Variants in MYO18A observed in about 807,000 individuals in gnomAD.
The protein encoded by MYO18A is myosin XVIIIA.
A neutral mutation model predicts 235.8 loss-of-function variants in MYO18A; 78 were observed. That is an observed-to-expected ratio of 0.33 (90% confidence interval 0.28 to 0.40). The LOEUF (loss-of-function observed/expected upper bound fraction) is 0.40, where lower values mean the gene tolerates loss of function less well. MYO18A is among the 10% of genes least tolerant of loss of function. The pLI, the probability that MYO18A is intolerant of heterozygous loss-of-function variation, is 1.00. For missense variants in MYO18A, 2,215 were observed against 2,699.3 expected, an observed-to-expected ratio of 0.82 and a Z score of 3.98; for synonymous variants, 977 against 1,077.8, an observed-to-expected ratio of 0.91 and a Z score of 1.83.
intron 32 of MYO18A, 87 bp from the exon 33 acceptor site, chr17:29,093,088 T>A: frequency 6.7e-7 from 1 of 1,491,078 alleles, no homozygotes; most frequent in Admixed American, 2.1e-5. Context: ...CACGTCCTCA[T>A]TATCAGTGTC....
chr17:29,165,803 TCAGAGAGCAG>T (rs2068268209), intron 2 of MYO18A, 129 bp downstream of exon 2: 1 of 848,392 alleles, frequency 1.2e-6, no homozygotes, highest in Non-Finnish European at 1.8e-6. Context: ...CCCCACAGGC[TCAGAGAGCAG>T]CAGGGCTTCC....
intron 17 of MYO18A, among the ~76,000 whole-genome samples, chr17:29,110,864 G>A (rs763080370): frequency 2.0e-5 from 3 of 152,196 alleles, no homozygotes; most frequent in Non-Finnish European, 4.4e-5. Context: ...TCGGACAGAG[G>A]GGATCAATCT....
chr17:29,077,603 CTGGCTTGA>C (rs1420737111), intron 41 of MYO18A: 1 of 152,422 alleles, frequency 6.6e-6, no homozygotes, highest in Non-Finnish European at 1.5e-5. Flanking sequence ...TGGCTAGGTT[CTGGCTTGA>C]TGGCCACTCT....
intron 15 of MYO18A, among the ~76,000 whole-genome samples, chr17:29,113,593 T>C (rs867628704): frequency 7.2e-5 from 11 of 152,294 alleles, no homozygotes; most frequent in Middle Eastern, 3.4e-3. Flanking sequence ...AGTCCTCTAC[T>C]TGGGGACAAT....
Position 29,106,480 on chromosome 17 carries a change from G to T in MYO18A, c.3441+600C>A, listed in dbSNP as rs557125021. Among the ~76,000 whole-genome samples, 226 of 152,314 alleles carry T rather than the reference G, an allele frequency of 1.5e-3. No individual in the cohort carries two copies. The highest frequency in any genetic ancestry group is 5.3e-3 in the African/African-American group (220 of 41,562). The stretch of plus-strand genomic sequence containing the variant: ...AGGTCTGAGGTGCTTTCAGAATCAG[G>T]CTGGATGCCTGAGGCCCGAGCACAG... On this transcript the variant is annotated intron_variant, in intron 20 of 41. Transcript: ENST00000527372. This position sits in a 1 kb window ranked among gnomAD's most constrained non-coding sequence, Gnocchi z 4.6.
intron 14 of MYO18A, 54 bp downstream of exon 14, chr17:29,114,853 G>T: frequency 1.3e-6 from 2 of 1,558,564 alleles, no homozygotes; most frequent in Admixed American, 1.8e-5. Context: ...TGCCCTCGCT[G>T]TGGGTGCCAA....
rs1447106877 is a variant in MYO18A, at chr17:29,074,842, G to A, written c.6093C>T (p.Ser2031=). 1 of 1,614,020 alleles carries A rather than the reference G, an allele frequency of 6.2e-7. No homozygotes were observed. The highest frequency in any genetic ancestry group is 1.1e-5 in the South Asian group (1 of 91,084). The change falls in exon 42 of 42, where the codon TCC becomes TCT. Residue 2031 remains serine, a synonymous_variant. Transcript: ENST00000527372. The surrounding 1 kb of genome is among the most constrained non-coding windows in gnomAD (Gnocchi z 4.4). The part of the protein sequence containing the change: ...DDEHDPLDNT[S]RPRYSHSYLS... The stretch of plus-strand genomic sequence containing the variant: ...GATAACTGTGGGAGTATCGCGGTCT[G>A]GAGGTGTTGTCGAGAGGGTCGTGCT...
rs1483776125 is a variant in MYO18A at position 29,115,420 on chromosome 17, T to G, written c.2249A>C (p.Glu750Ala). 2 of 1,613,738 alleles carry G rather than the reference T, an allele frequency of 1.2e-6. No homozygotes were observed. Among genetic ancestry groups the G allele is most frequent in the African/African-American group, 2.7e-5 (2 of 74,920 alleles). Residue 750 changes from glutamate to alanine, a missense_variant, in exon 13 of 42, where the codon GAG becomes GCG. By Grantham distance (107) the Glu-to-Ala change is moderately radical. Coordinates refer to ENST00000527372, the MANE Select transcript of MYO18A (RefSeq NM_078471.4). ...GCCGGCCGCCATGCCCTCAAGGCAC[T>G]CCAGTGCACTCAGTTTCGGGCCTGT... ...DGTGPKLSAL[E>A]CLEGMAAGLY...
In MYO18A at chr17:29,121,016, C is replaced by T. The variant is rs375089649; in HGVS notation, c.1567G>A (p.Gly523Arg). 94 of 1,611,458 alleles carry T rather than the reference C, an allele frequency of 5.8e-5. No individual in the cohort carries two copies. Among genetic ancestry groups the T allele is most frequent in the Non-Finnish European group, 7.4e-5 (87 of 1,179,086 alleles). The stretch of plus-strand genomic sequence containing the variant: ...GCCTCACCAGAAAACACCTTGTTCC[C>T]GCTGATGCCCGCGATGGTGGCCAGG... ...QYLATIAGISGNKVFSVEKWQ... is the reference protein window; with the variant it reads ...QYLATIAGISRNKVFSVEKWQ... Residue 523 changes from glycine to arginine, a missense_variant, in exon 6 of 42, where the codon GGG (glycine) becomes AGG (arginine). Coordinates refer to ENST00000527372, the MANE Select transcript of MYO18A (RefSeq NM_078471.4). The surrounding 1 kb of genome is among the most constrained non-coding windows in gnomAD (Gnocchi z 4.2).
At chr17:29,175,010 C>T (rs2068491552) in intron 1 of MYO18A, among the ~76,000 whole-genome samples, 1 of 152,144 alleles carries the variant, frequency 6.6e-6, no homozygotes. Context: ...ATTACATGTA[C>T]GTTGTGTACA....
At chr17:29,081,658 G>C (rs1296474834) in intron 41 of MYO18A, among the ~76,000 whole-genome samples, 2 of 152,074 alleles carry the variant, frequency 1.3e-5, no homozygotes, top group African/African-American at 2.4e-5. Flanking sequence ...GGGAGCGAGG[G>C]CTCTTCTTTC....
At chr17:29,095,942 TG>T (rs2066509574) in intron 28 of MYO18A, among the ~76,000 whole-genome samples, 1 of 151,190 alleles carries the variant, frequency 6.6e-6, no homozygotes, top group Non-Finnish European at 1.5e-5. Flanking sequence ...AGGGGTAGGG[TG>T]GGGGCAGAGA....
rs1214577226 is a variant in MYO18A, at chr17:29,111,350, C to T, written c.2900+74G>A. 4 of 1,535,648 alleles carry T rather than the reference C, an allele frequency of 2.6e-6. No homozygotes were observed. In the South Asian group the frequency reaches 3.6e-5, roughly 14 times the overall value. On this transcript the variant is annotated intron_variant, in intron 17 of 41. Coordinates refer to ENST00000527372, the MANE Select transcript of MYO18A (RefSeq NM_078471.4). The surrounding 1 kb of genome is among the most constrained non-coding windows in gnomAD (Gnocchi z 5.1). ...GCTAGTGAGGGGGCCTCTGAGACAACCCCAGGGGGAGGGAGCCCCAAAATC... is the reference window on the plus strand; with the variant it reads ...GCTAGTGAGGGGGCCTCTGAGACAATCCCAGGGGGAGGGAGCCCCAAAATC...
intron 2 of MYO18A, among the ~76,000 whole-genome samples, chr17:29,127,204 T>G (rs1241624639): frequency 1.3e-5 from 2 of 152,182 alleles, no homozygotes; most frequent in Non-Finnish European, 2.9e-5. Context: ...TCTTAACTAT[T>G]TTGGCGGCAA....
Position 29,071,806 on chromosome 17 carries a change from A to G in MYO18A, c.*2964T>C, listed in dbSNP as rs1221804094. On this transcript the variant is annotated 3_prime_UTR_variant, in exon 42 of 42. Coordinates refer to ENST00000527372, the MANE Select transcript of MYO18A (RefSeq NM_078471.4). ...TGGATACTATGATGTGTTCCTCTCT[A>G]CCCACTCTAAGCTTATGCATACTAG... 1.3e-5 allele frequency: 2 copies of G among 152,096 alleles called. No individual in the cohort carries two copies. The highest frequency in any genetic ancestry group is 2.9e-5 in the Non-Finnish European group (2 of 68,032). The allele number at this position is 152,096 out of a possible 1,614,324, so 9.4% of individuals were successfully genotyped here. A position where few individuals can be genotyped will look rare whatever the true frequency, so the allele number is the denominator to read the frequency against.
chr17:29,114,392 T>C (rs2067006637), intron 14 of MYO18A: 1 of 370,126 alleles, frequency 2.7e-6, no homozygotes, highest in South Asian at 3.7e-5. Flanking sequence ...ACAATCATCC[T>C]TGAAACACTT....
chr17:29,160,882 C>T (rs2068157552), intron 2 of MYO18A, among the ~76,000 whole-genome samples: 1 of 152,334 alleles, frequency 6.6e-6, no homozygotes, highest in East Asian at 1.9e-4. Flanking sequence ...GAGTGGTAAG[C>T]CTTCCTTTAA....
intron 2 of MYO18A, among the ~76,000 whole-genome samples, chr17:29,147,640 A>T (rs1172349307): frequency 6.6e-6 from 1 of 151,792 alleles, no homozygotes; most frequent in East Asian, 1.9e-4. Flanking sequence ...GGTGGCTCAT[A>T]CCTGTAATCC....
chr17:29,123,342 C>A (rs1785119356), intron 2 of MYO18A, among the ~76,000 whole-genome samples: 1 of 152,074 alleles, frequency 6.6e-6, no homozygotes, highest in Admixed American at 6.5e-5. Flanking sequence ...CTCAGGTTAG[C>A]CCGAGCCCCT....
Sources: allele counts gnomAD v4.1 joint callset (sites outside exome capture counted in the v4.1 genomes callset), GRCh38; gene constraint gnomAD v4.1.1; non-coding constraint Gnocchi (gnomAD v3.1); transcripts MANE v1.5; gene names NCBI Gene and HGNC (gene_info 2026-07-23, HGNC 2026-07-21).